Variants in FAM83A observed in about 807,000 individuals in gnomAD.
FAM83A encodes protein FAM83A.
A neutral mutation model predicts 24.4 loss-of-function variants in FAM83A; 21 were observed. That is an observed-to-expected ratio of 0.86 (90% confidence interval 0.61 to 1.24). The LOEUF (loss-of-function observed/expected upper bound fraction) is 1.24, where lower values mean the gene tolerates loss of function less well. FAM83A is among the 50% of genes most tolerant of loss of function. The pLI, the probability that FAM83A is intolerant of heterozygous loss-of-function variation, is 0.00. For synonymous variants in FAM83A, 270 were observed against 252.4 expected (o/e 1.07, Z -0.66); for missense variants, 617 against 579.8 (o/e 1.06, Z -0.66).
In FAM83A at chr8:123,188,394, T is replaced by C. The variant is rs147456404; in HGVS notation, c.481-3409T>C. Reference sequence around the variant, plus strand: ...GAAGCTTTTTCCAAATGAGGTCATATGCACAATTCTGGTGTTTAGGGTTGG... The same window carrying C: ...GAAGCTTTTTCCAAATGAGGTCATACGCACAATTCTGGTGTTTAGGGTTGG... On this transcript the variant is annotated intron_variant, in intron 1 of 3. Transcript: ENST00000690554. 2.2e-3 allele frequency among the ~76,000 whole-genome samples: 332 copies of C among 152,334 alleles called. 2 individuals are homozygous for C. The highest frequency in any genetic ancestry group is 7.6e-3 in the African/African-American group (318 of 41,570).
chr8:123,188,164 T>A (rs1409360158), intron 1 of FAM83A, among the ~76,000 whole-genome samples: 1 of 151,870 alleles, frequency 6.6e-6, no homozygotes, highest in Non-Finnish European at 1.5e-5. Flanking sequence ...CATGAGCCAC[T>A]GCACGCTTCT....
intron 1 of FAM83A, among the ~76,000 whole-genome samples, chr8:123,188,019 C>A (rs900186436): frequency 2.0e-5 from 3 of 151,576 alleles, no homozygotes; most frequent in African/African-American, 7.3e-5. Flanking sequence ...TGCCACCACC[C>A]CAGCTAACTT....
At chr8:123,200,291 C>T (rs1259438532) in intron 3 of FAM83A, among the ~76,000 whole-genome samples, 1 of 152,074 alleles carries the variant, frequency 6.6e-6, no homozygotes, top group South Asian at 2.1e-4. Flanking sequence ...TCCAGAACAC[C>T]GGAGGATGGA....
chr8:123,195,938 A>G (rs1224761418), intron 3 of FAM83A, among the ~76,000 whole-genome samples: 1 of 152,294 alleles, frequency 6.6e-6, no homozygotes, highest in Non-Finnish European at 1.5e-5. Context: ...AGCACAGAGT[A>G]TAACTTTCTC....
At chr8:123,187,173 C>T (rs916264439) in intron 1 of FAM83A, among the ~76,000 whole-genome samples, 3 of 152,122 alleles carry the variant, frequency 2.0e-5, no homozygotes, top group Non-Finnish European at 4.4e-5. Context: ...GCCCATGTGT[C>T]TTGGAGGTGA....
chr8:123,189,109 C>T (rs904164401), intron 1 of FAM83A, among the ~76,000 whole-genome samples: 4 of 152,228 alleles, frequency 2.6e-5, no homozygotes, highest in Non-Finnish European at 4.4e-5. Flanking sequence ...TATCTTTCAG[C>T]AAACAGGGAA....
chr8:123,182,194 G>A (rs749494380), upstream of FAM83A: 2 of 445,016 alleles, frequency 4.5e-6, no homozygotes, highest in South Asian at 3.1e-5. Flanking sequence ...GGGCATGGGA[G>A]AAAGGAGCTC....
At chr8:123,191,725 G>C in intron 1 of FAM83A, 78 bp from the exon 2 acceptor site, 1 of 1,509,310 alleles carries the variant, frequency 6.6e-7, no homozygotes, top group East Asian at 2.3e-5. Context: ...GGCCCACTGG[G>C]ACTCAGGCAG....
chr8:123,180,934 A>ATTATT (rs1291217852), upstream of FAM83A, among the ~76,000 whole-genome samples: 3 of 151,620 alleles, frequency 2.0e-5, no homozygotes, highest in Admixed American at 2.0e-4. Flanking sequence ...TTTATTTTAT[A>ATTATT]TTATTTTATT....
At chr8:123,179,803 A>G (rs1353846560), upstream of FAM83A, 5 of 152,194 alleles carry the variant, frequency 3.3e-5, no homozygotes, top group Admixed American at 6.5e-5. Context: ...TGGTCCCTAC[A>G]GGATACTCAC....
upstream of FAM83A, chr8:123,182,422 C>T (rs951526073): frequency 3.1e-5 from 12 of 381,980 alleles, no homozygotes; most frequent in Admixed American, 6.1e-5. Context: ...GGCAGGCCTC[C>T]TTCAGGCCCA....
At chr8:123,200,987 A>G (rs948219670) in intron 3 of FAM83A, among the ~76,000 whole-genome samples, 5 of 148,994 alleles carry the variant, frequency 3.4e-5, no homozygotes, top group Non-Finnish European at 5.9e-5. Flanking sequence ...ATATATATAC[A>G]CATATATACA....
intron 3 of FAM83A, among the ~76,000 whole-genome samples, chr8:123,205,399 C>T (rs1307131738): frequency 1.3e-5 from 2 of 152,240 alleles, no homozygotes; most frequent in East Asian, 1.9e-4. Context: ...TGTCCCGTGG[C>T]GGGGCTGGCG....
At chr8:123,205,694 C>T (rs1028431312) in intron 3 of FAM83A, among the ~76,000 whole-genome samples, 2 of 151,912 alleles carry the variant, frequency 1.3e-5, no homozygotes, top group Admixed American at 1.3e-4. Flanking sequence ...CGACCATCCT[C>T]TCCCTCTTGC....
intron 3 of FAM83A, among the ~76,000 whole-genome samples, chr8:123,196,795 C>T (rs1277640012): frequency 6.6e-6 from 1 of 152,214 alleles, no homozygotes; most frequent in Non-Finnish European, 1.5e-5. Flanking sequence ...GGCAATTAAT[C>T]TCAGGCACAG....
exon 3 of FAM83A, chr8:123,194,082 T>A (rs974546095): frequency 4.3e-6 from 7 of 1,614,224 alleles, no homozygotes; most frequent in Non-Finnish European, 5.1e-6. Context: ...GGCAGGAAAT[T>A]CGCTGGCCAA....
At chr8:123,206,184 C>T (rs1824547110) in intron 3 of FAM83A, among the ~76,000 whole-genome samples, 1 of 152,076 alleles carries the variant, frequency 6.6e-6, no homozygotes, top group Non-Finnish European at 1.5e-5. Flanking sequence ...TAATAACTGC[C>T]TTAGGCATTT....
chr8:123,188,237 C>G (rs578180416), intron 1 of FAM83A, among the ~76,000 whole-genome samples: 1 of 151,878 alleles, frequency 6.6e-6, no homozygotes, highest in Non-Finnish European at 1.5e-5. Flanking sequence ...AGGCTTCACA[C>G]GACGGCTTTC....
exon 4 of FAM83A, chr8:123,208,510 G>C (rs1824637627): frequency 1.0e-6 from 1 of 985,448 alleles, no homozygotes. Context: ...GAGCAGCAGG[G>C]AGGGCTCAGC....
Sources: allele counts gnomAD v4.1 joint callset (sites outside exome capture counted in the v4.1 genomes callset), GRCh38; gene constraint gnomAD v4.1.1; transcripts MANE v1.5; gene names NCBI Gene and HGNC (gene_info 2026-07-23, HGNC 2026-07-21).